Variants in ENTREP2 observed in about 807,000 individuals in gnomAD.
ENTREP2 encodes protein ENTREP2.
At chr15:29,449,229 A>G in the ENTREP2 span, among the ~76,000 whole-genome samples, 5 of 152,250 alleles carry the variant, frequency 3.3e-5, no homozygotes, top group African/African-American at 1.2e-4. Context: ...GCAAGGCAGC[A>G]TAAAGAGACA....
the ENTREP2 span, among the ~76,000 whole-genome samples, chr15:29,583,252 C>G: frequency 6.6e-6 from 1 of 152,066 alleles, no homozygotes; most frequent in Non-Finnish European, 1.5e-5. Context: ...AGAAAGGACA[C>G]AGATAGACTG....
the ENTREP2 span, among the ~76,000 whole-genome samples, chr15:29,321,467 G>A: frequency 2.5e-3 from 378 of 152,080 alleles, 1 homozygote; most frequent in Non-Finnish European, 4.5e-3. Context: ...GGCCAAGATG[G>A]TGGAATCCCA....
At chr15:29,285,738 T>C in the ENTREP2 span, among the ~76,000 whole-genome samples, 4 of 152,160 alleles carry the variant, frequency 2.6e-5, no homozygotes, top group Non-Finnish European at 5.9e-5. Context: ...CCATATAAAA[T>C]CTGTCAAGGA....
chr15:29,263,897 G>A, the ENTREP2 span, among the ~76,000 whole-genome samples: 1 of 152,048 alleles, frequency 6.6e-6, no homozygotes, highest in Non-Finnish European at 1.5e-5. Flanking sequence ...GGTGGCTCAC[G>A]CCTACAATCC....
At chr15:29,673,213 G>A in the ENTREP2 span, among the ~76,000 whole-genome samples, 9 of 152,220 alleles carry the variant, frequency 5.9e-5, no homozygotes, top group Non-Finnish European at 8.8e-5. Flanking sequence ...AAAAGACGTC[G>A]CCATCTTGGT....
chr15:29,273,321 C>A, the ENTREP2 span, among the ~76,000 whole-genome samples: 1 of 151,746 alleles, frequency 6.6e-6, no homozygotes, highest in Non-Finnish European at 1.5e-5. Flanking sequence ...ATCTCAGCCT[C>A]CCGAGTAGCT....
At chr15:29,249,134 C>A in the ENTREP2 span, among the ~76,000 whole-genome samples, 1 of 152,060 alleles carries the variant, frequency 6.6e-6, no homozygotes, top group Non-Finnish European at 1.5e-5. Flanking sequence ...CATAGTGAAA[C>A]CTTGTCTCTA....
At chr15:29,446,470 A>C in the ENTREP2 span, among the ~76,000 whole-genome samples, 1 of 152,166 alleles carries the variant, frequency 6.6e-6, no homozygotes, top group Non-Finnish European at 1.5e-5. Context: ...GGAGAAATAG[A>C]AGCCCTGCAG....
At chr15:29,206,652 T>G in the ENTREP2 span, among the ~76,000 whole-genome samples, 5 of 152,014 alleles carry the variant, frequency 3.3e-5, no homozygotes, top group Non-Finnish European at 7.4e-5. Flanking sequence ...CAGGGGCCAA[T>G]CCGGGGTGCG....
the ENTREP2 span, chr15:29,381,877 T>C: frequency 6.6e-7 from 1 of 1,523,102 alleles, no homozygotes; most frequent in Admixed American, 2.0e-5. Flanking sequence ...TCCGAAACCT[T>C]GCATGGGCAA....
chr15:29,404,442 C>T, the ENTREP2 span, among the ~76,000 whole-genome samples: 2 of 152,102 alleles, frequency 1.3e-5, no homozygotes, highest in Admixed American at 1.3e-4. Flanking sequence ...ACTCCCCTGT[C>T]TGGTCAGTTC....
chr15:29,608,554 T>TTTA, the ENTREP2 span, among the ~76,000 whole-genome samples: 1 of 140,628 alleles, frequency 7.1e-6, no homozygotes, highest in Non-Finnish European at 1.5e-5. Flanking sequence ...TTATTATTTA[T>TTTA]TTATTATTAT....
the ENTREP2 span, among the ~76,000 whole-genome samples, chr15:29,553,543 C>A: frequency 1.3e-5 from 2 of 152,162 alleles, no homozygotes; most frequent in Non-Finnish European, 2.9e-5. Context: ...GGGCCTATGT[C>A]CCCTCCCCTT....
chr15:29,246,978 C>CACAG, the ENTREP2 span, among the ~76,000 whole-genome samples: 4 of 130,396 alleles, frequency 3.1e-5, no homozygotes, highest in Non-Finnish European at 6.1e-5. Flanking sequence ...GAAAGGCACA[C>CACAG]ACACACACAC....
At chr15:29,479,770 A>T in the ENTREP2 span, among the ~76,000 whole-genome samples, 1 of 152,096 alleles carries the variant, frequency 6.6e-6, no homozygotes. Flanking sequence ...TCAATGAGAG[A>T]TCTGCCAGGA....
chr15:29,291,046 C>T, the ENTREP2 span, among the ~76,000 whole-genome samples: 1 of 152,144 alleles, frequency 6.6e-6, no homozygotes, highest in African/African-American at 2.4e-5. Context: ...GGGGTGTGTC[C>T]CCTCTGGCCT....
the ENTREP2 span, among the ~76,000 whole-genome samples, chr15:29,655,372 C>T: frequency 3.3e-5 from 5 of 152,196 alleles, no homozygotes; most frequent in African/African-American, 1.2e-4. Flanking sequence ...TCAAATATCA[C>T]CTATATTGAC....
the ENTREP2 span, among the ~76,000 whole-genome samples, chr15:29,558,972 G>C: frequency 6.6e-5 from 10 of 152,054 alleles, no homozygotes; most frequent in Admixed American, 6.5e-4. Flanking sequence ...GTCAATATGA[G>C]GCTATTAGTA....
At chr15:29,209,868 C>T in the ENTREP2 span, among the ~76,000 whole-genome samples, 1 of 152,138 alleles carries the variant, frequency 6.6e-6, no homozygotes, top group African/African-American at 2.4e-5. Context: ...TGCTCCCTGG[C>T]ATCGGGTGGC....
Sources: allele counts gnomAD v4.1 joint callset (sites outside exome capture counted in the v4.1 genomes callset), GRCh38; gene constraint gnomAD v4.1.1; transcripts MANE v1.5; gene names NCBI Gene and HGNC (gene_info 2026-07-23, HGNC 2026-07-21).